The following CDH18 variants were observed in gnomAD, a reference collection of about 807,000 sequenced individuals.
CDH18 encodes the protein cadherin-18.
Under a neutral mutation model 67.9 loss-of-function variants are expected in CDH18, and 31 were observed. The observed-to-expected ratio is 0.46, with a 90% CI of 0.34 to 0.62. The LOEUF (loss-of-function observed/expected upper bound fraction) is 0.62, where lower values mean the gene tolerates loss of function less well. Ranked by LOEUF, CDH18 falls within the 20% of genes least tolerant of loss-of-function variation. The pLI is 0.01. For synonymous variants in CDH18, 362 were observed against 347.2 expected (o/e 1.04, Z -0.48); for missense variants, 890 against 975.5 (o/e 0.91, Z 1.17).
chr5:20,099,402 T>A (rs1248885322), intron 2 of CDH18, among the ~76,000 whole-genome samples: 1 of 152,212 alleles, frequency 6.6e-6, no homozygotes, highest in Non-Finnish European at 1.5e-5. Context: ...GCTAGAGTCA[T>A]GTTGATACAA....
At chr5:19,734,829 CT>C (rs1561180508) in intron 4 of CDH18, among the ~76,000 whole-genome samples, 1 of 151,998 alleles carries the variant, frequency 6.6e-6, no homozygotes, top group African/African-American at 2.4e-5. Flanking sequence ...TTTATGGTTT[CT>C]TTTTGGTGTA....
chr5:19,779,470 T>C (rs917713255), intron 3 of CDH18, among the ~76,000 whole-genome samples: 3 of 152,178 alleles, frequency 2.0e-5, no homozygotes, highest in African/African-American at 7.2e-5. Flanking sequence ...TAGAGAGCAG[T>C]GGTAAGCAAT....
chr5:20,298,408 CA>C, intron 1 of CDH18, among the ~76,000 whole-genome samples: 1 of 152,132 alleles, frequency 6.6e-6, no homozygotes, highest in African/African-American at 2.4e-5. Flanking sequence ...AAAGGAATTT[CA>C]AAAATTTAAG....
chr5:20,452,821 A>G (rs991672664), intron 1 of CDH18, among the ~76,000 whole-genome samples: 2 of 152,148 alleles, frequency 1.3e-5, no homozygotes, highest in African/African-American at 2.4e-5. Flanking sequence ...GTGAGAATTA[A>G]AATGCATTGG....
intron 5 of CDH18, among the ~76,000 whole-genome samples, chr5:19,615,622 T>C (rs998698669): frequency 5.3e-5 from 8 of 152,128 alleles, no homozygotes; most frequent in Admixed American, 1.3e-4. Flanking sequence ...TTTTGACAAC[T>C]ATGGCAACAT....
chr5:19,638,849 C>A (rs1269916390), intron 5 of CDH18, among the ~76,000 whole-genome samples: 1 of 151,944 alleles, frequency 6.6e-6, no homozygotes, highest in Non-Finnish European at 1.5e-5. Flanking sequence ...GATTTCCCAG[C>A]CCACGAGTTT....
At chr5:19,962,378 C>CAAAAA (rs3065078) in intron 2 of CDH18, among the ~76,000 whole-genome samples, 1,693 of 51,250 alleles carry the variant, frequency 0.033, 84 homozygotes, top group East Asian at 0.23. Context: ...CGTCAAAAAG[C>CAAAAA]AAAAAAAAAA....
In CDH18 at chr5:19,560,515, G is replaced by A. The variant is rs1739262405; in HGVS notation, c.1253+11064C>T. ...CACCCTTATACAAAACTCACCTCAA[G>A]ATGGATCAAAGACTTAAATCTAAAA... On this transcript the variant is annotated intron_variant, in intron 8 of 12. Coordinates refer to ENST00000382275, the MANE Select transcript of CDH18 (RefSeq NM_004934.5). Among the ~76,000 whole-genome samples, 3 of 152,174 alleles carry A rather than the reference G, an allele frequency of 2.0e-5. No individual in the cohort carries two copies. The South Asian group carries it at 6.2e-4, about 32-fold the overall frequency.
In CDH18 at chr5:19,827,910, T is replaced by C. The variant is rs117127517; in HGVS notation, c.228+10849A>G. On this transcript the variant is annotated intron_variant, in intron 3 of 12. Transcript: ENST00000382275. Reference sequence around the variant, plus strand: ...AAGGAAATTGATATGTGACACGCCATACAAAACATCAGCATATCCAGAAGT... The same window carrying C: ...AAGGAAATTGATATGTGACACGCCACACAAAACATCAGCATATCCAGAAGT... 6.5e-4 allele frequency among the ~76,000 whole-genome samples: 99 copies of C among 152,208 alleles called. 1 individual carries two copies. In the East Asian group the frequency reaches 0.018, roughly 27 times the overall value.
At chr5:20,104,389 T>C (rs903821845) in intron 2 of CDH18, among the ~76,000 whole-genome samples, 1 of 152,174 alleles carries the variant, frequency 6.6e-6, no homozygotes, top group African/African-American at 2.4e-5. Context: ...ACTAATTTTG[T>C]AGGGATACAT....
At chr5:20,139,940 C>T (rs1228652311) in intron 2 of CDH18, among the ~76,000 whole-genome samples, 2 of 152,124 alleles carry the variant, frequency 1.3e-5, no homozygotes, top group African/African-American at 2.4e-5. Flanking sequence ...ACTAGAAATA[C>T]CGTTTGACCC....
chr5:19,477,621 T>C (rs1309733848), intron 12 of CDH18, among the ~76,000 whole-genome samples: 3 of 152,088 alleles, frequency 2.0e-5, no homozygotes, highest in African/African-American at 7.2e-5. Flanking sequence ...AAGTATATTT[T>C]AAAAGAATGA....
At chr5:19,864,246 G>A (rs1785218722) in intron 2 of CDH18, among the ~76,000 whole-genome samples, 2 of 150,518 alleles carry the variant, frequency 1.3e-5, no homozygotes, top group Non-Finnish European at 3.0e-5. Flanking sequence ...GATGAAATTG[G>A]AAATCATCAT....
At chr5:20,257,391 A>G (rs1204115403) in intron 1 of CDH18, among the ~76,000 whole-genome samples, 3 of 152,098 alleles carry the variant, frequency 2.0e-5, no homozygotes, top group African/African-American at 7.2e-5. Context: ...ACCTATTTAT[A>G]CATAGCTCAC....
upstream of CDH18, among the ~76,000 whole-genome samples, chr5:19,989,272 A>G (rs572393382): frequency 6.6e-6 from 1 of 152,334 alleles, no homozygotes; most frequent in East Asian, 1.9e-4. Context: ...CATCATTGCA[A>G]ACACTAAGAG....
intron 3 of CDH18, among the ~76,000 whole-genome samples, chr5:19,816,755 G>A (rs953426054): frequency 3.3e-5 from 5 of 151,674 alleles, no homozygotes; most frequent in African/African-American, 4.8e-5. Flanking sequence ...GTGTTAAACC[G>A]AAGATAAAAA....
chr5:20,409,675 T>C (rs1746600694), intron 1 of CDH18, among the ~76,000 whole-genome samples: 1 of 150,386 alleles, frequency 6.6e-6, no homozygotes, highest in African/African-American at 2.4e-5. Context: ...ATAAAGCCAA[T>C]AGAGAATGTA....
intron 2 of CDH18, among the ~76,000 whole-genome samples, chr5:20,200,697 T>A (rs1394228888): frequency 1.3e-5 from 2 of 151,742 alleles, no homozygotes; most frequent in African/African-American, 4.8e-5. Context: ...AGAAAAATTT[T>A]AAAAATAGCT....
chr5:20,431,526 GA>G (rs1252093414), intron 1 of CDH18, among the ~76,000 whole-genome samples: 1 of 141,926 alleles, frequency 7.0e-6, no homozygotes, highest in African/African-American at 2.6e-5. Flanking sequence ...AAGAAGAATA[GA>G]AAAAGAAAAG....
Sources: allele counts gnomAD v4.1 joint callset (sites outside exome capture counted in the v4.1 genomes callset), GRCh38; gene constraint gnomAD v4.1.1; transcripts MANE v1.5; gene names NCBI Gene and HGNC (gene_info 2026-07-23, HGNC 2026-07-21).